Variants in FLNC observed in about 807,000 individuals in gnomAD.
The protein encoded by FLNC is filamin-C.
In FLNC, 91 loss-of-function variants were observed where a neutral mutation model predicts 254.3. The ratio of observed to expected loss-of-function variants is 0.36; its 90% CI spans 0.30 to 0.43. The LOEUF (loss-of-function observed/expected upper bound fraction) is 0.43. FLNC is among the 20% of genes least tolerant of loss of function. The pLI is 1.00. For synonymous variants in FLNC, 1,430 were observed against 1,577.2 expected (o/e 0.91, Z 2.21); for missense variants, 2,853 against 3,802.6 (o/e 0.75, Z 6.57).
chr7:128,837,045 A>G (rs1015883091), intron 2 of FLNC, 115 bp from the exon 3 acceptor site: 57 of 757,874 alleles, frequency 7.5e-5, no homozygotes, highest in Non-Finnish European at 1.2e-4. Context: ...CAAGGCCTAG[A>G]GCTGGTGGGA....
chr7:128,850,211 G>A (rs1808750003), intron 31 of FLNC, 137 bp downstream of exon 31: 4 of 936,348 alleles, frequency 4.3e-6, no homozygotes, highest in Non-Finnish European at 5.1e-6. Flanking sequence ...CTGGGCAGAT[G>A]GAACCCCACT....
At chr7:128,837,131 A>G (rs990930304) in intron 2 of FLNC, 29 bp from the exon 3 acceptor site, 24 of 1,505,448 alleles carry the variant, frequency 1.6e-5, no homozygotes, top group Non-Finnish European at 2.2e-5. Context: ...GCTGCCCCTC[A>G]CCATCGTCTC....
intron 31 of FLNC, 28 bp from the exon 32 acceptor site, chr7:128,850,356 A>G (rs761548302): frequency 8.2e-6 from 13 of 1,579,548 alleles, no homozygotes; most frequent in Non-Finnish European, 1.1e-5. Flanking sequence ...TTCCCCAGTC[A>G]CTGACTGTTC....
chr7:128,848,448 C>T (rs542369668), intron 26 of FLNC, 113 bp from the exon 27 acceptor site: 15 of 1,155,050 alleles, frequency 1.3e-5, no homozygotes, highest in Admixed American at 1.7e-5. Context: ...CCCTGCCCCA[C>T]AGTCCTCCCT....
At chr7:128,854,237 C>CGG in intron 40 of FLNC, 21 bp downstream of exon 40, 1 of 1,604,752 alleles carries the variant, frequency 6.2e-7, no homozygotes, top group African/African-American at 1.3e-5. Context: ...CACACTGGGC[C>CGG]GGCCGGGTCC....
At chr7:128,847,039 G>A (rs1210933623) in intron 24 of FLNC, 134 bp downstream of exon 24, 15 of 1,139,862 alleles carry the variant, frequency 1.3e-5, no homozygotes, top group Admixed American at 4.2e-5. Context: ...GGTTGGGGCC[G>A]GAGCCCGGCC....
Position 128,835,093 on chromosome 7 carries a change from A to C in FLNC, c.353-233A>C, listed in dbSNP as rs186224012. On this transcript the variant is annotated intron_variant, in intron 1 of 47. Coordinates refer to ENST00000325888, the MANE Select transcript of FLNC (RefSeq NM_001458.5). The surrounding 1 kb of genome is among the most constrained non-coding windows in gnomAD (Gnocchi z 5.3). ...AGACTCACTTGCTGTAGCTGAGGTGAGGGTACCTTCCAGAACCACAGGAAC... is the reference window on the plus strand; with the variant it reads ...AGACTCACTTGCTGTAGCTGAGGTGCGGGTACCTTCCAGAACCACAGGAAC... 1.5e-4 allele frequency among the ~76,000 whole-genome samples: 23 copies of C among 152,344 alleles called. No individual in the cohort carries two copies. The East Asian group carries it at 2.7e-3, about 18-fold the overall frequency.
At chr7:128,852,481 C>A in intron 35 of FLNC, 110 bp from the exon 36 acceptor site, 2 of 1,279,592 alleles carry the variant, frequency 1.6e-6, no homozygotes, top group South Asian at 2.4e-5. Flanking sequence ...TGGGAGTGGC[C>A]CCCCGTGTCT....
intron 31 of FLNC, 33 bp downstream of exon 31, chr7:128,850,107 C>T (rs1172963193): frequency 7.0e-7 from 1 of 1,438,056 alleles, no homozygotes; most frequent in African/African-American, 1.4e-5. Context: ...ATGTCCTCCT[C>T]CTCCTCCCCT....
intron 26 of FLNC, 133 bp from the exon 27 acceptor site, chr7:128,848,428 G>A: frequency 1.0e-6 from 1 of 980,382 alleles, no homozygotes; most frequent in Non-Finnish European, 1.6e-6. Flanking sequence ...TCTGGGAACT[G>A]GTCCCTCCTC....
In FLNC at chr7:128,843,902, G is replaced by GCT; in HGVS notation, c.2919_2920insTC (p.Leu974SerfsTer16). On this transcript the variant is annotated frameshift_variant, in exon 19 of 48. Coordinates refer to ENST00000325888, the MANE Select transcript of FLNC (RefSeq NM_001458.5). LOFTEE classifies it high-confidence loss of function. ...GACCTCAGCAAAATCAAAGTTCAGGGCCTTAATAGCAGTAAGTGGGGCAAG... is the reference window on the plus strand; with the variant it reads ...GACCTCAGCAAAATCAAAGTTCAGGGCTCCTTAATAGCAGTAAGTGGGGCAAG... 6.2e-7 allele frequency: 1 copy of GCT among 1,614,140 alleles called. No homozygotes were observed. Among genetic ancestry groups the GCT allele is most frequent in the Non-Finnish European group, 8.5e-7 (1 of 1,180,024 alleles).
rs1415694504 is a variant in FLNC at position 128,842,137 on chromosome 7, G to C, written c.2122-94G>C. The C allele has an allele frequency of 7.5e-7, 1 of 1,324,978 alleles. No individual in the cohort carries two copies. The highest frequency in any genetic ancestry group is 2.0e-5 in the Admixed American group (1 of 50,962). 82.1% of individuals were successfully genotyped at this position (1,324,978 alleles called of 1,614,324 possible). A position where few individuals can be genotyped will look rare whatever the true frequency, so the allele number is the denominator to read the frequency against. On this transcript the variant is annotated intron_variant, in intron 13 of 47. Transcript: ENST00000325888. This position sits in a 1 kb window ranked among gnomAD's most constrained non-coding sequence, Gnocchi z 5.4. Reference sequence around the variant, plus strand: ...TGTGGGGGCGGGAGTGCCAGTGTTGGGGGTGGGAAAGGAGGCGCTGGGTTC... The same window carrying C: ...TGTGGGGGCGGGAGTGCCAGTGTTGCGGGTGGGAAAGGAGGCGCTGGGTTC...
chr7:128,845,917 G>C, intron 21 of FLNC, 73 bp from the exon 22 acceptor site: 2 of 1,362,606 alleles, frequency 1.5e-6, no homozygotes, highest in Non-Finnish European at 2.1e-6. Context: ...AGGGAAAGGA[G>C]GGGGAGAGGA....
chr7:128,830,708 CGGA>C lies in FLNC; in HGVS notation c.73_75del (p.Glu25del). Reference sequence around the variant, plus strand: ...GATGAGACAGACGAGATGCCGTCCACGGAGAAGGACCTGGCGGAGGACGCGCCG... The same window carrying C: ...GATGAGACAGACGAGATGCCGTCCACGAAGGACCTGGCGGAGGACGCGCCG... On this transcript the variant is annotated inframe_deletion, in exon 1 of 48. Coordinates refer to ENST00000325888, the MANE Select transcript of FLNC (RefSeq NM_001458.5). 6.2e-7 allele frequency: 1 copy of C among 1,612,964 alleles called. No individual in the cohort carries two copies. Among genetic ancestry groups the C allele is most frequent in the East Asian group, 2.2e-5 (1 of 44,876 alleles).
rs951756652 is a variant in FLNC at position 128,831,093 on chromosome 7, G to T, written c.352+104G>T. ...CGCGCGGGGAGCTGAGAGACAGGGCGGAGGGCACCCCCCGGTATAGAGAGA... is the reference window on the plus strand; with the variant it reads ...CGCGCGGGGAGCTGAGAGACAGGGCTGAGGGCACCCCCCGGTATAGAGAGA... On this transcript the variant is annotated intron_variant, in intron 1 of 47. Coordinates refer to ENST00000325888, the MANE Select transcript of FLNC (RefSeq NM_001458.5). 4.2e-5 allele frequency: 45 copies of T among 1,063,600 alleles called. No homozygotes were observed. The African/African-American group carries it at 8.4e-4, about 20-fold the overall frequency. The allele number at this position is 1,063,600 out of a possible 1,614,324, so 65.9% of individuals were successfully genotyped here.
chr7:128,852,309 A>G (rs1269160068), intron 35 of FLNC, among the ~76,000 whole-genome samples: 3 of 152,234 alleles, frequency 2.0e-5, no homozygotes, highest in Non-Finnish European at 4.4e-5. Flanking sequence ...TTATCACAAC[A>G]TCATGTGACT....
chr7:128,839,558 G>A (rs943216937), intron 8 of FLNC, among the ~76,000 whole-genome samples: 3 of 152,212 alleles, frequency 2.0e-5, no homozygotes, highest in South Asian at 2.1e-4. Flanking sequence ...CACTGGCCAC[G>A]GTCTGTGGTA....
In FLNC at chr7:128,846,155, A is replaced by G. The variant is rs1808556919; in HGVS notation, c.3956A>G (p.Tyr1319Cys). ...DGTYRVQYTAYEEGVHLVEVL... is the reference protein window; with the variant it reads ...DGTYRVQYTACEEGVHLVEVL... ...ACCTACCGAGTGCAGTACACCGCCT[A>G]CGAGGAGGGTGAGGGCCGGTGGGCC... Residue 1319 changes from tyrosine to cysteine, a missense_variant, in exon 22 of 48, where the codon TAC (tyrosine) becomes TGC (cysteine). This residue lies in a region of FLNC where 1,573 missense variants were observed against 1,883.5 expected (regional missense o/e 0.84). Transcript: ENST00000325888. The G allele has an allele frequency of 6.2e-7, 1 of 1,613,084 alleles. No individual in the cohort carries two copies. Among genetic ancestry groups the G allele is most frequent in the Admixed American group, 1.7e-5 (1 of 59,942 alleles).
chr7:128,847,348 G>T (rs1808608071), intron 24 of FLNC, among the ~76,000 whole-genome samples: 1 of 152,242 alleles, frequency 6.6e-6, no homozygotes, highest in African/African-American at 2.4e-5. Flanking sequence ...GCTGAAATTG[G>T]AAATTTTTTC....
Sources: allele counts gnomAD v4.1 joint callset (sites outside exome capture counted in the v4.1 genomes callset), GRCh38; gene constraint gnomAD v4.1.1; regional missense constraint gnomAD v4.1.1; non-coding constraint Gnocchi (gnomAD v3.1); transcripts MANE v1.5; gene names NCBI Gene and HGNC (gene_info 2026-07-23, HGNC 2026-07-21).